The following SIN3B variants were observed in gnomAD, a reference collection of about 807,000 sequenced individuals.
SIN3B encodes paired amphipathic helix protein Sin3b.
Under a neutral mutation model 120.2 loss-of-function variants are expected in SIN3B, and 19 were observed. The observed-to-expected ratio is 0.16, with a 90% CI of 0.11 to 0.23. The LOEUF is 0.23. Among genes scored for constraint, SIN3B ranks in the 10% least tolerant of loss-of-function variants. The pLI, the probability that SIN3B is intolerant of heterozygous loss-of-function variation, is 1.00. For missense variants in SIN3B, 1,073 were observed against 1,573.0 expected (o/e 0.68, Z 5.38); for synonymous variants, 654 against 653.2 (o/e 1.00, Z -0.02).
chr19:16,854,606 T>C (rs1014685930), intron 8 of SIN3B: 14 of 192,498 alleles, frequency 7.3e-5, no homozygotes, highest in Non-Finnish European at 1.3e-4. Flanking sequence ...GTTCTCCCCA[T>C]GTCTGCGTGG....
chr19:16,862,912 C>G lies in SIN3B; in HGVS notation c.1266+353C>G, dbSNP rs1210219692. 1.2e-6 allele frequency: 2 copies of G among 1,614,188 alleles called. No individual in the cohort carries two copies. Among genetic ancestry groups the G allele is most frequent in the East Asian group, 2.2e-5 (1 of 44,892 alleles). On this transcript the variant is annotated intron_variant, in intron 9 of 18. Transcript: ENST00000248054. This position sits in a 1 kb window ranked among gnomAD's most constrained non-coding sequence, Gnocchi z 4.7. Reference sequence around the variant, plus strand: ...GACCATTGGACACTTCTCCAGGGTTCGTGGACAGACGATTACTGCATGTCC... The same window carrying G: ...GACCATTGGACACTTCTCCAGGGTTGGTGGACAGACGATTACTGCATGTCC...
intron 13 of SIN3B, among the ~76,000 whole-genome samples, chr19:16,870,648 G>A (rs1015053189): frequency 6.6e-6 from 1 of 151,916 alleles, no homozygotes; most frequent in Non-Finnish European, 1.5e-5. Context: ...CGCCTCCCAG[G>A]TTCAAGCAAT....
chr19:16,854,605 A>C, intron 8 of SIN3B: 1 of 192,326 alleles, frequency 5.2e-6, no homozygotes, highest in Non-Finnish European at 1.1e-5. Flanking sequence ...CGTTCTCCCC[A>C]TGTCTGCGTG....
chr19:16,830,287 T>G (rs562726094), intron 2 of SIN3B, among the ~76,000 whole-genome samples: 2 of 152,364 alleles, frequency 1.3e-5, no homozygotes, highest in African/African-American at 4.8e-5. Context: ...ATTGAAATTT[T>G]TGGCACCCTC....
Position 16,876,368 on chromosome 19 carries a change from A to T in SIN3B, c.2767-118A>T. ...AGCCCATGAGGTACCTTTGACCTGCAGGAAGCATCAGGGCTTTGGGAGGGT... is the reference window on the plus strand; with the variant it reads ...AGCCCATGAGGTACCTTTGACCTGCTGGAAGCATCAGGGCTTTGGGAGGGT... On this transcript the variant is annotated intron_variant, in intron 15 of 18. Coordinates refer to ENST00000248054, the MANE Select transcript of SIN3B (RefSeq NM_001297595.2). The surrounding 1 kb of genome is among the most constrained non-coding windows in gnomAD (Gnocchi z 7.1). 1.5e-6 allele frequency: 2 copies of T among 1,376,674 alleles called. No homozygotes were observed. Among genetic ancestry groups the T allele is most frequent in the Non-Finnish European group, 2.0e-6 (2 of 1,002,338 alleles). The allele number at this position is 1,376,674 out of a possible 1,614,324, so 85.3% of individuals were successfully genotyped here. A position where few individuals can be genotyped will look rare whatever the true frequency, so the allele number is the denominator to read the frequency against.
intron 3 of SIN3B, 127 bp from the exon 4 acceptor site, chr19:16,841,641 G>A: frequency 1.2e-6 from 1 of 860,126 alleles, no homozygotes; most frequent in Non-Finnish European, 1.8e-6. Flanking sequence ...ACCTTTCCCT[G>A]TCTCTAATAC....
chr19:16,829,930 C>G, intron 2 of SIN3B, 33 bp downstream of exon 2: 1 of 1,474,874 alleles, frequency 6.8e-7, no homozygotes, highest in Non-Finnish European at 9.5e-7. Context: ...CCTCAGGGGA[C>G]CCCCCTGGGC....
At chr19:16,865,318 A>AC in intron 10 of SIN3B, 92 bp from the exon 11 acceptor site, 1 of 413,100 alleles carries the variant, frequency 2.4e-6, no homozygotes, top group Non-Finnish European at 4.6e-6. Context: ...CCCCCCCCCA[A>AC]AAAAATCCTC....
chr19:16,853,564 A>G (rs548156354), intron 7 of SIN3B, among the ~76,000 whole-genome samples: 77 of 152,064 alleles, frequency 5.1e-4, no homozygotes, highest in African/African-American at 1.8e-3. Context: ...TGCTGCATGG[A>G]TCACGTGCAC....
At chr19:16,869,065 G>C (rs189961705) in intron 12 of SIN3B, among the ~76,000 whole-genome samples, 72 of 152,180 alleles carry the variant, frequency 4.7e-4, no homozygotes, top group African/African-American at 1.7e-3. Flanking sequence ...GTAGGAGGAG[G>C]TCAGCCTCAG....
At chr19:16,853,935 G>T (rs1971578944) in intron 7 of SIN3B, among the ~76,000 whole-genome samples, 1 of 151,754 alleles carries the variant, frequency 6.6e-6, no homozygotes, top group African/African-American at 2.4e-5. Flanking sequence ...TGCACGGGCT[G>T]TGAATTGCTG....
At chr19:16,871,420 C>T in intron 14 of SIN3B, 22 bp downstream of exon 14, 1 of 1,583,792 alleles carries the variant, frequency 6.3e-7, no homozygotes, top group East Asian at 2.3e-5. Context: ...CGGGGTGGGG[C>T]CGGCCCTGAG....
chr19:16,838,461 C>T (rs1043192708), intron 3 of SIN3B, among the ~76,000 whole-genome samples: 4 of 152,160 alleles, frequency 2.6e-5, no homozygotes, highest in African/African-American at 9.7e-5. Flanking sequence ...TGGCTTCTCA[C>T]TCAGCATCGT....
Position 16,879,057 on chromosome 19 carries a change from C to T in SIN3B, c.*330C>T, listed in dbSNP as rs1390734901. 1 of 395,884 alleles carries T rather than the reference C, an allele frequency of 2.5e-6. No individual in the cohort carries two copies. Among genetic ancestry groups the T allele is most frequent in the African/African-American group, 2.1e-5 (1 of 48,092 alleles). 24.5% of individuals were successfully genotyped at this position (395,884 alleles called of 1,614,324 possible). ...TCCCTGGCAGGCAGATGGCTCCTGC[C>T]CCATATTCTTGCCGTGTCTTGGAAA... is the stretch of plus-strand genomic sequence containing the variant. On this transcript the variant is annotated 3_prime_UTR_variant, in exon 19 of 19. Coordinates refer to ENST00000248054, the MANE Select transcript of SIN3B (RefSeq NM_001297595.2).
chr19:16,868,942 A>G (rs757865515), intron 12 of SIN3B, among the ~76,000 whole-genome samples: 1 of 152,078 alleles, frequency 6.6e-6, no homozygotes, highest in African/African-American at 2.4e-5. Context: ...CGGGTAGTAG[A>G]TGGAGGGCAG....
intron 7 of SIN3B, among the ~76,000 whole-genome samples, chr19:16,853,625 G>A (rs1374405804): frequency 6.6e-6 from 1 of 151,376 alleles, no homozygotes; most frequent in African/African-American, 2.4e-5. Flanking sequence ...GTGAATTGCT[G>A]CACAGATGGC....
chr19:16,841,011 G>T (rs1172577458), intron 3 of SIN3B, among the ~76,000 whole-genome samples: 1 of 152,208 alleles, frequency 6.6e-6, no homozygotes, highest in African/African-American at 2.4e-5. Flanking sequence ...ATCCTGACTG[G>T]CTGGAGACCC....
chr19:16,851,523 G>T lies in SIN3B; in HGVS notation c.838G>T (p.Ala280Ser). 1 of 1,599,646 alleles carries T rather than the reference G, an allele frequency of 6.3e-7. No homozygotes were observed. The highest frequency in any genetic ancestry group is 2.3e-5 in the East Asian group (1 of 43,902). The change falls in exon 6 of 19, where the codon GCA (alanine) becomes TCA (serine). Residue 280 changes from alanine to serine, a missense_variant. Physicochemically the swap from Ala to Ser is moderately conservative, Grantham distance 99. This residue lies in a region of SIN3B where 395 missense variants were observed against 528.0 expected (regional missense o/e 0.75). Coordinates refer to ENST00000248054, the MANE Select transcript of SIN3B (RefSeq NM_001297595.2). ...SRPSLLRPVSAPAKKKMKLRG... is the reference protein window; with the variant it reads ...SRPSLLRPVSSPAKKKMKLRG... The stretch of plus-strand genomic sequence containing the variant: ...GCCCTCGCTCCTCCGCCCCGTGTCT[G>T]CACCCGCCAAGGTACCTGTGAGCCA...
At chr19:16,855,900 T>C (rs1568419140) in intron 8 of SIN3B, among the ~76,000 whole-genome samples, 1 of 151,564 alleles carries the variant, frequency 6.6e-6, no homozygotes, top group Middle Eastern at 3.4e-3. Flanking sequence ...TACCAAAAAA[T>C]ATAAAAATTC....
Sources: gnomAD v4.1 joint callset for allele counts (sites outside exome capture counted in the v4.1 genomes callset) on GRCh38, gnomAD v4.1.1 for gene constraint, gnomAD v4.1.1 regional missense constraint, Gnocchi (gnomAD v3.1) non-coding constraint, MANE v1.5 for transcripts, NCBI Gene and HGNC (gene_info 2026-07-23, HGNC 2026-07-21) for gene names.